Variants in GPATCH2 observed in about 807,000 individuals in gnomAD.
GPATCH2 encodes G-patch domain containing 2, also known as G patch domain-containing protein 2.
Under a neutral mutation model 58.0 loss-of-function variants are expected in GPATCH2, and 51 were observed. The observed-to-expected ratio is 0.88, with a 90% confidence interval of 0.70 to 1.11. The LOEUF (loss-of-function observed/expected upper bound fraction) is 1.11. GPATCH2 is among the 50% of genes most tolerant of loss of function. The pLI is 0.00. For synonymous variants in GPATCH2, 222 were observed against 218.5 expected, an observed-to-expected ratio of 1.02 and a Z score of -0.14; for missense variants, 625 against 652.2, an observed-to-expected ratio of 0.96 and a Z score of 0.45.
rs780251965 is a variant in GPATCH2 at position 217,620,102 on chromosome 1, T to G, written c.454A>C (p.Asn152His). 1 of 1,614,132 alleles carries G rather than the reference T, an allele frequency of 6.2e-7. No individual in the cohort carries two copies. The highest frequency in any genetic ancestry group is 2.2e-5 in the East Asian group (1 of 44,882). Residue 152 changes from asparagine to histidine, a missense_variant, in exon 2 of 10, where the codon AAT (asparagine) becomes CAT (histidine). By Grantham distance (68) the Asn-to-His change is moderately conservative (BLOSUM62 1). Transcript: ENST00000366935. ...LWHESDFAVDNVGNRTLRRRR... is the reference protein window; with the variant it reads ...LWHESDFAVDHVGNRTLRRRR... ...CTGCGCAGAGTTCTATTCCCAACAT[T>G]GTCCACAGCAAAATCAGACTCATGC... is the stretch of plus-strand genomic sequence containing the variant.
rs760944400 is a variant in GPATCH2 at position 217,610,302 on chromosome 1, A to G, written c.1098+19T>C. Reference sequence around the variant, plus strand: ...AAACATTTCCAAACATGACAATTACACAGAAAAAGTATGCCTACCATTGAA... The same window carrying G: ...AAACATTTCCAAACATGACAATTACGCAGAAAAAGTATGCCTACCATTGAA... On this transcript the variant is annotated intron_variant, in intron 5 of 9. Transcript: ENST00000366935. The G allele has an allele frequency of 1.3e-6, 2 of 1,526,236 alleles. No individual in the cohort carries two copies. The highest frequency in any genetic ancestry group is 1.8e-6 in the Non-Finnish European group (2 of 1,102,012). 94.5% of individuals were successfully genotyped at this position (1,526,236 alleles called of 1,614,324 possible). A position where few individuals can be genotyped will look rare whatever the true frequency, so the allele number is the denominator to read the frequency against.
chr1:217,432,722 GACAAACT>G (rs1236898412), intron 9 of GPATCH2, among the ~76,000 whole-genome samples: 1 of 152,048 alleles, frequency 6.6e-6, no homozygotes, highest in East Asian at 1.9e-4. Context: ...GTGAATAACA[GACAAACT>G]AATATTGCAG....
chr1:217,462,896 C>A (rs1007201249), intron 8 of GPATCH2, among the ~76,000 whole-genome samples: 1 of 152,096 alleles, frequency 6.6e-6, no homozygotes, highest in Non-Finnish European at 1.5e-5. Context: ...TGAACCTGGG[C>A]AAGTTAGTTA....
intron 5 of GPATCH2, among the ~76,000 whole-genome samples, chr1:217,540,533 C>T (rs1307965895): frequency 1.3e-5 from 2 of 152,136 alleles, no homozygotes; most frequent in Non-Finnish European, 2.9e-5. Flanking sequence ...CTTTTAGTAA[C>T]ATAGCAGTGA....
At position 217,496,015 on chromosome 1, in the gene GPATCH2, T is replaced by C. The variant is rs112947723; in HGVS notation, c.1206+2341A>G. 3.5e-3 allele frequency among the ~76,000 whole-genome samples: 530 copies of C among 152,332 alleles called. 3 individuals are homozygous for C. Among genetic ancestry groups the C allele is most frequent in the African/African-American group, 0.012 (496 of 41,588 alleles). On this transcript the variant is annotated intron_variant, in intron 7 of 9. Coordinates refer to ENST00000366935, the MANE Select transcript of GPATCH2 (RefSeq NM_018040.5). ...GTATGAGAAAAGCATAAGGTAATCA[T>C]GCATGCTAATTAGTCATTCCTTCAA...
intron 5 of GPATCH2, among the ~76,000 whole-genome samples, chr1:217,605,068 A>C (rs552403093): frequency 3.3e-5 from 5 of 152,140 alleles, no homozygotes; most frequent in Non-Finnish European, 7.4e-5. Context: ...TTCTGCTGTA[A>C]AAGGCTATAA....
chr1:217,450,635 TTC>T (rs1314970169), intron 8 of GPATCH2, among the ~76,000 whole-genome samples: 1 of 152,154 alleles, frequency 6.6e-6, no homozygotes, highest in Non-Finnish European at 1.5e-5. Context: ...CGCATACTGT[TTC>T]TGTTACAAAA....
intron 5 of GPATCH2, among the ~76,000 whole-genome samples, chr1:217,557,178 G>A (rs1013836849): frequency 1.4e-4 from 22 of 152,028 alleles, no homozygotes; most frequent in Admixed American, 5.9e-4. Context: ...AGGCCAAGGC[G>A]GGTGGATCAC....
chr1:217,584,344 A>AAAAAAAAAATATATATATATAT (rs1463910405), intron 5 of GPATCH2, among the ~76,000 whole-genome samples: 2 of 101,860 alleles, frequency 2.0e-5, no homozygotes, highest in Admixed American at 1.4e-4. Context: ...AAAAAAAAAA[A>AAAAAAAAAATATATATATATAT]ATATATATAT....
At chr1:217,554,435 T>C (rs570177842) in intron 5 of GPATCH2, among the ~76,000 whole-genome samples, 2 of 152,308 alleles carry the variant, frequency 1.3e-5, no homozygotes, top group African/African-American at 4.8e-5. Context: ...CTACATTGCC[T>C]GGCAATTGAT....
chr1:217,619,703 T>C, intron 2 of GPATCH2, 80 bp downstream of exon 2: 1 of 500,790 alleles, frequency 2.0e-6, no homozygotes, highest in Non-Finnish European at 3.4e-6. Flanking sequence ...TATTTTAAAA[T>C]AGAATTAATT....
chr1:217,454,923 C>A (rs1659873256), intron 8 of GPATCH2, among the ~76,000 whole-genome samples: 1 of 152,078 alleles, frequency 6.6e-6, no homozygotes, highest in Admixed American at 6.5e-5. Context: ...CCACTGCACC[C>A]CACCAAATCC....
chr1:217,468,781 AAC>A (rs2102498732), intron 8 of GPATCH2, among the ~76,000 whole-genome samples: 1 of 152,208 alleles, frequency 6.6e-6, no homozygotes, highest in South Asian at 2.1e-4. Context: ...CTTTTAGAGA[AAC>A]ACACTGATGT....
chr1:217,540,932 AAT>A lies in GPATCH2; in HGVS notation c.1099-26045_1099-26044del, dbSNP rs146554626. ...ACGGCATTGTGCACAAATTTATTGT[AAT>A]ACTGTTTTCTGGAGACTCAATGAGA... On this transcript the variant is annotated intron_variant, in intron 5 of 9. Transcript: ENST00000366935. Among the ~76,000 whole-genome samples the A allele has an allele frequency of 4.5e-3, 684 of 152,318 alleles. 8 individuals carry two copies. Among genetic ancestry groups the A allele is most frequent in the African/African-American group, 0.015 (635 of 41,572 alleles).
At chr1:217,600,210 G>A (rs1668045955) in intron 5 of GPATCH2, among the ~76,000 whole-genome samples, 1 of 152,146 alleles carries the variant, frequency 6.6e-6, no homozygotes, top group Non-Finnish European at 1.5e-5. Flanking sequence ...ACTGGTCAGT[G>A]TTTCAGATAA....
intron 5 of GPATCH2, among the ~76,000 whole-genome samples, chr1:217,599,621 G>A (rs766764534): frequency 9.2e-5 from 14 of 152,078 alleles, no homozygotes; most frequent in African/African-American, 3.4e-4. Flanking sequence ...AAACTGTAAG[G>A]TACTTGAGGA....
chr1:217,619,020 C>T (rs1669046507), intron 2 of GPATCH2, among the ~76,000 whole-genome samples: 1 of 151,802 alleles, frequency 6.6e-6, no homozygotes. Flanking sequence ...CTTTCTCAGG[C>T]CATATTTACA....
intron 1 of GPATCH2, among the ~76,000 whole-genome samples, chr1:217,629,138 G>A (rs188263842): frequency 8.6e-5 from 13 of 152,046 alleles, no homozygotes; most frequent in Admixed American, 8.5e-4. Flanking sequence ...TTATTACTGG[G>A]ATCAAACATA....
rs142353518 is a variant in GPATCH2, at chr1:217,502,982, C to T, written c.1167-4587G>A. ...TCTACCTGCCTGTTTAGGTACAAAT[C>T]TCCAAGTGCTTTCTAGCTCTAGAAA... On this transcript the variant is annotated intron_variant, in intron 6 of 9. Coordinates refer to ENST00000366935, the MANE Select transcript of GPATCH2 (RefSeq NM_018040.5). Among the ~76,000 whole-genome samples, 874 of 152,276 alleles carry T rather than the reference C, an allele frequency of 5.7e-3. 7 individuals carry two copies. Among genetic ancestry groups the T allele is most frequent in the African/African-American group, 0.02 (834 of 41,572 alleles).
Sources: allele counts gnomAD v4.1 joint callset (sites outside exome capture counted in the v4.1 genomes callset), GRCh38; gene constraint gnomAD v4.1.1; transcripts MANE v1.5; gene names NCBI Gene and HGNC (gene_info 2026-07-23, HGNC 2026-07-21).